The following IL17RD variants were observed in gnomAD, a reference collection of about 807,000 sequenced individuals.
The protein encoded by IL17RD is interleukin 17 receptor D, also known as interleukin-17 receptor D.
A neutral mutation model predicts 80.5 loss-of-function variants in IL17RD; 52 were observed. The observed-to-expected ratio is 0.65, with a 90% CI of 0.52 to 0.81. IL17RD has a LOEUF of 0.81. IL17RD is among the 40% of genes least tolerant of loss of function. IL17RD has a pLI of 0.00. For missense variants in IL17RD, 1,024 were observed against 955.1 expected, an observed-to-expected ratio of 1.07 and a Z score of -0.95; for synonymous variants, 416 against 391.8, an observed-to-expected ratio of 1.06 and a Z score of -0.73.
chr3:57,111,030 A>G (rs1025777681), intron 3 of IL17RD, among the ~76,000 whole-genome samples: 3 of 152,204 alleles, frequency 2.0e-5, no homozygotes, highest in Non-Finnish European at 4.4e-5. Flanking sequence ...AGATGCTTTC[A>G]AAAGGATTAA....
intron 1 of IL17RD, among the ~76,000 whole-genome samples, chr3:57,137,686 G>T (rs756428299): frequency 6.6e-6 from 1 of 152,152 alleles, no homozygotes; most frequent in Non-Finnish European, 1.5e-5. Context: ...GGAGGAAGGT[G>T]AGTCCTGGTC....
At chr3:57,144,018 C>T (rs1181651021) in intron 1 of IL17RD, among the ~76,000 whole-genome samples, 3 of 152,192 alleles carry the variant, frequency 2.0e-5, no homozygotes, top group Non-Finnish European at 4.4e-5. Context: ...AAGATGTTCT[C>T]ACCAGAAGCC....
chr3:57,094,325 T>A lies in IL17RD; in HGVS notation c.*2068A>T, dbSNP rs1308738685. The A allele has an allele frequency of 2.6e-5, 4 of 152,218 alleles. No homozygotes were observed. The highest frequency in any genetic ancestry group is 9.6e-5 in the African/African-American group (4 of 41,458). 9.4% of individuals were successfully genotyped at this position (152,218 alleles called of 1,614,324 possible). A position where few individuals can be genotyped will look rare whatever the true frequency, so the allele number is the denominator to read the frequency against. ...TATATTAAGAGTTTGATTTTATTGATCAGAAACATTAGTATTTCAACATAA... is the reference window on the plus strand; with the variant it reads ...TATATTAAGAGTTTGATTTTATTGAACAGAAACATTAGTATTTCAACATAA... On this transcript the variant is annotated 3_prime_UTR_variant, in exon 13 of 13. Coordinates refer to ENST00000296318, the MANE Select transcript of IL17RD (RefSeq NM_017563.5).
chr3:57,120,171 T>C, intron 2 of IL17RD, 85 bp downstream of exon 2: 3 of 1,121,372 alleles, frequency 2.7e-6, no homozygotes, highest in Non-Finnish European at 4.1e-6. Flanking sequence ...ACCCCAAGAC[T>C]GCAGAGTCCT....
intron 12 of IL17RD, among the ~76,000 whole-genome samples, 182 bp from the exon 13 acceptor site, chr3:57,096,687 G>A (rs1706682290): frequency 6.6e-6 from 1 of 152,132 alleles, no homozygotes; most frequent in African/African-American, 2.4e-5. Context: ...AGTTCCCTTA[G>A]TTGAGGAAGG....
intron 1 of IL17RD, among the ~76,000 whole-genome samples, chr3:57,147,973 T>A (rs1197949046): frequency 6.6e-6 from 1 of 151,820 alleles, no homozygotes; most frequent in Non-Finnish European, 1.5e-5. Context: ...GATGTTATGA[T>A]CCATCCAGGA....
chr3:57,134,964 C>G (rs2107519591), intron 1 of IL17RD, among the ~76,000 whole-genome samples: 2 of 152,006 alleles, frequency 1.3e-5, no homozygotes, highest in East Asian at 3.9e-4. Flanking sequence ...AAAAATTGGC[C>G]AGGTATGGTG....
At chr3:57,133,840 A>G (rs1157732030) in intron 1 of IL17RD, among the ~76,000 whole-genome samples, 1 of 152,244 alleles carries the variant, frequency 6.6e-6, no homozygotes, top group East Asian at 1.9e-4. Flanking sequence ...GGCTGAGGCA[A>G]GTAAATGGCA....
At position 57,131,681 on chromosome 3, in the gene IL17RD, C is replaced by G. The variant is rs183288582; in HGVS notation, c.127-11368G>C. Among the ~76,000 whole-genome samples, 3 of 152,286 alleles carry G rather than the reference C, an allele frequency of 2.0e-5. No homozygotes were observed. In the East Asian group the frequency reaches 5.8e-4, roughly 29 times the overall value. On this transcript the variant is annotated intron_variant, in intron 1 of 12. Coordinates refer to ENST00000296318, the MANE Select transcript of IL17RD (RefSeq NM_017563.5). ...CCAAAATCACTTTGCTCTCATTTAC[C>G]CCTCATTACCAAGACTCACAGCTTT...
At chr3:57,108,216 C>T (rs137960829) in intron 5 of IL17RD, among the ~76,000 whole-genome samples, 1 of 152,090 alleles carries the variant, frequency 6.6e-6, no homozygotes, top group African/African-American at 2.4e-5. Flanking sequence ...CATGCCACCA[C>T]ACCCGGCTAA....
chr3:57,104,200 T>A lies in IL17RD; in HGVS notation c.813+142A>T, dbSNP rs1077034. Reference sequence around the variant, plus strand: ...AAATCAATTATATATAAACTTTTTTTAAAAGCATGTTAAGAACCATATAAA... The same window carrying A: ...AAATCAATTATATATAAACTTTTTTAAAAAGCATGTTAAGAACCATATAAA... On this transcript the variant is annotated intron_variant, in intron 8 of 12. Coordinates refer to ENST00000296318, the MANE Select transcript of IL17RD (RefSeq NM_017563.5). The A allele has an allele frequency of 0.18, 109,217 of 607,328 alleles. 11,456 individuals are homozygous for A. Among genetic ancestry groups the A allele is most frequent in the East Asian group, 0.36 (12,317 of 34,140 alleles). The allele number at this position is 607,328 out of a possible 1,614,324, so 37.6% of individuals were successfully genotyped here. A position where few individuals can be genotyped will look rare whatever the true frequency, so the allele number is the denominator to read the frequency against.
intron 1 of IL17RD, among the ~76,000 whole-genome samples, chr3:57,127,416 T>A (rs1370874457): frequency 1.6e-4 from 21 of 134,252 alleles, no homozygotes; most frequent in South Asian, 4.4e-4. Context: ...ATATATATTT[T>A]TTTTTTGAGA....
chr3:57,107,923 T>C (rs966462922), intron 5 of IL17RD, among the ~76,000 whole-genome samples: 4 of 152,104 alleles, frequency 2.6e-5, no homozygotes, highest in Non-Finnish European at 5.9e-5. Flanking sequence ...GGACATTAAA[T>C]AAACAGAACT....
At chr3:57,139,006 CAGAAAAACAGTG>C (rs929129304) in intron 1 of IL17RD, among the ~76,000 whole-genome samples, 11 of 147,316 alleles carry the variant, frequency 7.5e-5, no homozygotes, top group African/African-American at 2.8e-4. Context: ...AAGTAGGCTG[CAGAAAAACAGTG>C]AAAGTGAGGT....
rs1707173779 is a variant in IL17RD at position 57,114,732 on chromosome 3, G to A, written c.270C>T (p.Asp90=). Residue 90 remains aspartate, a synonymous_variant, in exon 3 of 13, where the codon GAC becomes GAT. Coordinates refer to ENST00000296318, the MANE Select transcript of IL17RD (RefSeq NM_017563.5). ...ACCAAAGAATGGTGACTGCCACTTG[G>A]TCATGGCAAGCATACTGGCTGATGG... The part of the protein sequence containing the change: ...NITISQYACH[D]QVAVTILWSP... 6.2e-7 allele frequency: 1 copy of A among 1,612,242 alleles called. No homozygotes were observed.
chr3:57,096,880 G>A (rs1165062526), intron 12 of IL17RD, among the ~76,000 whole-genome samples: 1 of 151,874 alleles, frequency 6.6e-6, no homozygotes, highest in Non-Finnish European at 1.5e-5. Context: ...GCATGGTGGC[G>A]CATGCTTGTA....
At chr3:57,158,986 A>G (rs1436273262) in intron 1 of IL17RD, among the ~76,000 whole-genome samples, 1 of 152,218 alleles carries the variant, frequency 6.6e-6, no homozygotes, top group African/African-American at 2.4e-5. Context: ...GTGGTTTTCT[A>G]TGAACAGACA....
chr3:57,114,859 C>T lies in IL17RD; in HGVS notation c.185-42G>A, dbSNP rs574874886. Reference sequence around the variant, plus strand: ...ATGAGAACAGTTAAATTTAAAATTTCATTTTTATTTTCAGGTTCATCTTAT... The same window carrying T: ...ATGAGAACAGTTAAATTTAAAATTTTATTTTTATTTTCAGGTTCATCTTAT... On this transcript the variant is annotated intron_variant, in intron 2 of 12. Transcript: ENST00000296318. 6.1e-6 allele frequency: 9 copies of T among 1,471,330 alleles called. No homozygotes were observed. The South Asian group carries it at 1.1e-4, about 18-fold the overall frequency. The allele number at this position is 1,471,330 out of a possible 1,614,324, so 91.1% of individuals were successfully genotyped here.
intron 1 of IL17RD, among the ~76,000 whole-genome samples, chr3:57,135,692 G>C (rs978288082): frequency 2.6e-5 from 4 of 152,114 alleles, no homozygotes; most frequent in African/African-American, 9.7e-5. Flanking sequence ...AAATATGTAA[G>C]ATCTATGGAG....
Sources: gnomAD v4.1 joint callset for allele counts (sites outside exome capture counted in the v4.1 genomes callset) on GRCh38, gnomAD v4.1.1 for gene constraint, MANE v1.5 for transcripts, NCBI Gene and HGNC (gene_info 2026-07-23, HGNC 2026-07-21) for gene names.